Variants in TLE6 observed in about 807,000 individuals in gnomAD.
TLE6 encodes transducin-like enhancer protein 6.
In TLE6, 72 loss-of-function variants were observed where a neutral mutation model predicts 77.1. The observed-to-expected ratio is 0.93, with a 90% confidence interval of 0.77 to 1.14. The LOEUF (loss-of-function observed/expected upper bound fraction) is 1.14, where lower values mean the gene tolerates loss of function less well. Ranked by LOEUF, TLE6 falls within the 50% of genes most tolerant of loss-of-function variation. The pLI is 0.00. For missense variants in TLE6, 843 were observed against 747.6 expected, an observed-to-expected ratio of 1.13 and a Z score of -1.49; for synonymous variants, 366 against 287.3, an observed-to-expected ratio of 1.27 and a Z score of -2.77.
chr19:2,982,503 A>T (rs1015792107), intron 5 of TLE6, among the ~76,000 whole-genome samples: 11 of 143,208 alleles, frequency 7.7e-5, no homozygotes, highest in Non-Finnish European at 1.6e-4. Context: ...GTGGAACTGC[A>T]CTCCAGCCTG....
Position 2,987,073 on chromosome 19 carries a change from A to G in TLE6, c.376A>G (p.Thr126Ala), listed in dbSNP as rs1353330112. The G allele has an allele frequency of 1.2e-6, 2 of 1,614,040 alleles. No homozygotes were observed. Among genetic ancestry groups the G allele is most frequent in the Non-Finnish European group, 1.7e-6 (2 of 1,180,026 alleles). Residue 126 changes from threonine to alanine, a missense_variant, in exon 7 of 17, where the codon ACC becomes GCC. Transcript: ENST00000246112. ...GTCGAGCTTTGAGGACATCATGGCC[A>G]CCAGGTCCTCCGACTGGCTCCGGCG... ...QESSFEDIMA[T>A]RSSDWLRRPL...
At chr19:2,980,820 G>A (rs1043962918) in intron 3 of TLE6, among the ~76,000 whole-genome samples, 1 of 151,924 alleles carries the variant, frequency 6.6e-6, no homozygotes, top group African/African-American at 2.4e-5. Context: ...GGAGGCAGAG[G>A]CAGGAAGATC....
chr19:2,987,963 G>A lies in TLE6; in HGVS notation c.691G>A (p.Gly231Ser). The A allele has an allele frequency of 6.2e-7, 1 of 1,610,558 alleles. No individual in the cohort carries two copies. The highest frequency in any genetic ancestry group is 8.5e-7 in the Non-Finnish European group (1 of 1,177,928). ...TTCCCAAGACAGGAACACAAGTTGGGGTGTGGTCCAGGTGAGACCCAGGCC... is the reference window on the plus strand; with the variant it reads ...TTCCCAAGACAGGAACACAAGTTGGAGTGTGGTCCAGGTGAGACCCAGGCC... ...EGSQDRNTSW[G>S]VVQEPPGRAS... is the part of the protein sequence containing the mutation. The change falls in exon 10 of 17, where the codon GGT becomes AGT. Residue 231 changes from glycine to serine, a missense_variant. Physicochemically the swap from Gly to Ser is moderately conservative, Grantham distance 56. Transcript: ENST00000246112.
rs1040834670 is a variant in TLE6, at chr19:2,988,191, A to G, written c.740+63A>G. Reference sequence around the variant, plus strand: ...GGGCAGCGGGAATTCCTTCCTGTCTATACCTCTGTTCCCGACACATAGAGG... The same window carrying G: ...GGGCAGCGGGAATTCCTTCCTGTCTGTACCTCTGTTCCCGACACATAGAGG... On this transcript the variant is annotated intron_variant, in intron 11 of 16. Coordinates refer to ENST00000246112, the MANE Select transcript of TLE6 (RefSeq NM_001143986.2). The G allele has an allele frequency of 8.0e-6, 12 of 1,497,762 alleles. No individual in the cohort carries two copies. In the Admixed American group the frequency reaches 1.6e-4, roughly 20 times the overall value. The allele number at this position is 1,497,762 out of a possible 1,614,324, so 92.8% of individuals were successfully genotyped here. A position where few individuals can be genotyped will look rare whatever the true frequency, so the allele number is the denominator to read the frequency against.
chr19:2,988,023 T>G (rs1599162371), intron 10 of TLE6, 49 bp downstream of exon 10: 1 of 1,582,356 alleles, frequency 6.3e-7, no homozygotes, highest in Non-Finnish European at 8.6e-7. Flanking sequence ...CTGCCCAGGG[T>G]GGGGTAGAGG....
chr19:2,982,589 G>A (rs1390848732), intron 5 of TLE6, among the ~76,000 whole-genome samples: 5 of 151,540 alleles, frequency 3.3e-5, no homozygotes, highest in African/African-American at 7.3e-5. Flanking sequence ...CAGAGGACGA[G>A]GGGTAGGTCA....
Position 2,978,272 on chromosome 19 carries a change from G to T in TLE6, c.39G>T (p.Pro13=). ...ACCAGCCCAGACCCAAGGGCCCCCCGAAAAGCACTTCGGTGAGGAGGGCAT... is the reference window on the plus strand; with the variant it reads ...ACCAGCCCAGACCCAAGGGCCCCCCTAAAAGCACTTCGGTGAGGAGGGCAT... ...SRDQPRPKGP[P]KSTSPCPGIS... Residue 13 remains proline, a synonymous_variant, in exon 2 of 17, where the codon CCG becomes CCT. Transcript: ENST00000246112. 1 of 1,551,432 alleles carries T rather than the reference G, an allele frequency of 6.4e-7. No individual in the cohort carries two copies.
intron 14 of TLE6, among the ~76,000 whole-genome samples, chr19:2,992,887 C>G (rs768793185): frequency 1.6e-4 from 23 of 147,234 alleles, no homozygotes; most frequent in Non-Finnish European, 2.4e-4. Context: ...ACACAGAGAT[C>G]ATTAGAAATA....
In TLE6 at chr19:2,981,298, T is replaced by C. The variant is rs185589062; in HGVS notation, c.135-240T>C. 1.1e-3 allele frequency among the ~76,000 whole-genome samples: 167 copies of C among 149,820 alleles called. 2 individuals are homozygous for C. The East Asian group carries it at 0.027, about 24-fold the overall frequency. ...TCTCTTGAACCCAGGAGGCGGAGGT[T>C]GCAGTGACACTGCACTCCAGCCTGG... On this transcript the variant is annotated intron_variant, in intron 3 of 16. Coordinates refer to ENST00000246112, the MANE Select transcript of TLE6 (RefSeq NM_001143986.2).
At chr19:2,988,801 C>A in intron 11 of TLE6, 1 of 555,468 alleles carries the variant, frequency 1.8e-6, no homozygotes, top group Non-Finnish European at 3.2e-6. Context: ...TAGCTAGGAC[C>A]ATAAAGGATG....
At chr19:2,993,920 CAAAAAAAA>C in intron 15 of TLE6, 91 bp from the exon 16 acceptor site, 69 of 547,478 alleles carry the variant, frequency 1.3e-4, no homozygotes, top group East Asian at 2.2e-4. Context: ...GACCCTGTCT[CAAAAAAAA>C]AAAAAAAAAA....
At chr19:2,988,063 G>C in intron 10 of TLE6, 28 bp from the exon 11 acceptor site, 1 of 1,554,666 alleles carries the variant, frequency 6.4e-7, no homozygotes, top group Non-Finnish European at 8.7e-7. Context: ...GGGAGGCTGG[G>C]GGCAGCTGTG....
In TLE6 at chr19:2,992,793, AGGGGGGGAGG is replaced by A. The variant is rs2089102921; in HGVS notation, c.1387-638_1387-629del. On this transcript the variant is annotated intron_variant, in intron 14 of 16. Transcript: ENST00000246112. ...AGACCCTGTCTCAAAAAAAAAAAAA[AGGGGGGGAGG>A]CGGGTGGGGGGGGGGGAGGATGAAC... is the stretch of plus-strand genomic sequence containing the variant. Among the ~76,000 whole-genome samples the A allele has an allele frequency of 8.6e-4, 17 of 19,760 alleles. 3 individuals are homozygous for A. Among genetic ancestry groups the A allele is most frequent in the African/African-American group, 2.3e-3 (9 of 3,876 alleles). 13.0% of individuals were successfully genotyped at this position (19,760 alleles called of 152,430 possible).
intron 11 of TLE6, among the ~76,000 whole-genome samples, chr19:2,988,552 C>T (rs1170734342): frequency 1.3e-5 from 2 of 151,982 alleles, no homozygotes; most frequent in African/African-American, 4.8e-5. Flanking sequence ...GAGTTGAGAT[C>T]GCGCCACTGC....
At chr19:2,985,885 G>T (rs536269508) in intron 5 of TLE6, among the ~76,000 whole-genome samples, 3 of 150,166 alleles carry the variant, frequency 2.0e-5, no homozygotes, top group Non-Finnish European at 3.0e-5. Context: ...AGACCAGCCC[G>T]GCCAACATGG....
At chr19:2,991,548 A>G (rs746280102) in intron 13 of TLE6, among the ~76,000 whole-genome samples, 3 of 151,108 alleles carry the variant, frequency 2.0e-5, no homozygotes, top group Non-Finnish European at 2.9e-5. Flanking sequence ...CCCTGCTTGA[A>G]GGGATTCCTG....
Position 2,993,447 on chromosome 19 carries a change from C to T in TLE6, c.1402C>T (p.His468Tyr), listed in dbSNP as rs746112852. Reference protein sequence around the residue: ...QFKSQIMSLSHSPQEDWVLLG... With the variant: ...QFKSQIMSLSYSPQEDWVLLG... Reference sequence around the variant, plus strand: ...CATTACCTAGATAATGAGCCTGTCCCACAGCCCCCAGGAGGACTGGGTGCT... The same window carrying T: ...CATTACCTAGATAATGAGCCTGTCCTACAGCCCCCAGGAGGACTGGGTGCT... The change falls in exon 15 of 17, where the codon CAC (histidine) becomes TAC (tyrosine). Residue 468 changes from histidine (H) to tyrosine (Y), a missense_variant. His to Tyr is a moderately conservative substitution (Grantham distance 83, BLOSUM62 2). Coordinates refer to ENST00000246112, the MANE Select transcript of TLE6 (RefSeq NM_001143986.2). The T allele has an allele frequency of 1.9e-5, 31 of 1,601,972 alleles. No homozygotes were observed. The highest frequency in any genetic ancestry group is 2.6e-6 in the Non-Finnish European group (3 of 1,170,882).
chr19:2,978,216 G>A lies in TLE6; in HGVS notation c.-18G>A. 2.6e-6 allele frequency: 4 copies of A among 1,551,316 alleles called. No homozygotes were observed. The highest frequency in any genetic ancestry group is 3.5e-6 in the Non-Finnish European group (4 of 1,146,864). ...GTTTTAGACTCTGGCTAAAGTCTTGGAGGCTACTGCCTTGAAGATGACCTC... is the reference window on the plus strand; with the variant it reads ...GTTTTAGACTCTGGCTAAAGTCTTGAAGGCTACTGCCTTGAAGATGACCTC... On this transcript the variant is annotated 5_prime_UTR_variant, in exon 2 of 17. Transcript: ENST00000246112.
At chr19:2,985,945 C>T (rs1337349080) in intron 5 of TLE6, among the ~76,000 whole-genome samples, 1 of 150,430 alleles carries the variant, frequency 6.6e-6, no homozygotes, top group East Asian at 2.0e-4. Context: ...TGTAGTGGCA[C>T]ACGCCTGTAA....
Sources: allele counts gnomAD v4.1 joint callset (sites outside exome capture counted in the v4.1 genomes callset), GRCh38; gene constraint gnomAD v4.1.1; transcripts MANE v1.5; gene names NCBI Gene and HGNC (gene_info 2026-07-23, HGNC 2026-07-21).